APC: variants seen among roughly 807,000 people sequenced by gnomAD.
The protein encoded by APC is APC regulator of Wnt signaling pathway.
A neutral mutation model predicts 247.0 loss-of-function variants in APC; 72 were observed. The observed-to-expected ratio is 0.29, with a 90% CI of 0.24 to 0.35. The LOEUF (loss-of-function observed/expected upper bound fraction) is 0.35, where lower values mean the gene tolerates loss of function less well. Among genes scored for constraint, APC ranks in the 10% least tolerant of loss-of-function variants. The probability of loss-of-function intolerance (pLI) is 1.00; values close to 1 mark genes in which losing one functional copy is unlikely to be tolerated. For missense variants in APC, 3,400 were observed against 3,360.7 expected (o/e 1.01, Z -0.29); for synonymous variants, 1,254 against 1,162.5 (o/e 1.08, Z -1.60).
rs143842860 is a variant in APC, at chr5:112,784,096, C to G, written c.645+3193C>G. 5.1e-3 allele frequency among the ~76,000 whole-genome samples: 775 copies of G among 152,214 alleles called. 9 individuals are homozygous for G. Among genetic ancestry groups the G allele is most frequent in the Non-Finnish European group, 6.4e-3 (432 of 68,012 alleles). ...TTGTTTTTTCTTTTTGAGACACAGTCTTGCTCTGTCACACAGGCTGGAGTG... is the reference window on the plus strand; with the variant it reads ...TTGTTTTTTCTTTTTGAGACACAGTGTTGCTCTGTCACACAGGCTGGAGTG... On this transcript the variant is annotated intron_variant, in intron 6 of 15. Transcript: ENST00000257430.
In APC at chr5:112,839,332, T is replaced by C. The variant is rs772689871; in HGVS notation, c.3738T>C (p.Ala1246=). 1 of 1,613,240 alleles carries C rather than the reference T, an allele frequency of 6.2e-7. No individual in the cohort carries two copies. ...AQSRSGQPQK[A]ATCKVSSINQ... ...GTAGAAGTGGTCAGCCTCAAAAGGC[T>C]GCCACTTGCAAAGTTTCTTCTATTA... The change falls in exon 16 of 16, where the codon GCT becomes GCC. Residue 1246 remains alanine, a synonymous_variant. Coordinates refer to ENST00000257430, the MANE Select transcript of APC (RefSeq NM_000038.6). The surrounding 1 kb of genome is among the most constrained non-coding windows in gnomAD (Gnocchi z 5.0).
At position 112,841,112 on chromosome 5, in the gene APC, T is replaced by C. The variant is rs2149942237; in HGVS notation, c.5518T>C (p.Phe1840Leu). The stretch of plus-strand genomic sequence containing the variant: ...AGATAGAGTCAGAGGAAGTTTTGCT[T>C]TTGATTCACCTCATCATTACACGCC... Reference protein sequence around the residue: ...NEDRVRGSFAFDSPHHYTPIE... With the variant: ...NEDRVRGSFALDSPHHYTPIE... Residue 1840 changes from phenylalanine to leucine, a missense_variant, in exon 16 of 16, where the codon TTT (phenylalanine) becomes CTT (leucine). Phe to Leu is a conservative substitution (Grantham distance 22). Transcript: ENST00000257430. The surrounding 1 kb of genome is among the most constrained non-coding windows in gnomAD (Gnocchi z 4.6). 1 of 1,613,252 alleles carries C rather than the reference T, an allele frequency of 6.2e-7. No individual in the cohort carries two copies. Among genetic ancestry groups the C allele is most frequent in the Non-Finnish European group, 8.5e-7 (1 of 1,179,222 alleles).
rs1766839994 is a variant in APC at position 112,844,709 on chromosome 5, A to C, written c.*583A>C. On this transcript the variant is annotated 3_prime_UTR_variant, in exon 16 of 16. Transcript: ENST00000257430. ...TAATGATTAACAGTTATGTGGTCAC[A>C]TGATGTGCATAGAGATAGCTACAGT... 1 of 232,442 alleles carries C rather than the reference A, an allele frequency of 4.3e-6. No individual in the cohort carries two copies. 14.4% of individuals were successfully genotyped at this position (232,442 alleles called of 1,614,324 possible).
chr5:112,767,347 A>G lies in APC; in HGVS notation c.379A>G (p.Ser127Gly), dbSNP rs200089324. 26 of 1,614,056 alleles carry G rather than the reference A, an allele frequency of 1.6e-5. No homozygotes were observed. The highest frequency in any genetic ancestry group is 2.1e-5 in the Non-Finnish European group (25 of 1,180,024). The stretch of plus-strand genomic sequence containing the variant: ...TCCAAGAAGAGGGTTTGTAAATGGA[A>G]GCAGAGAAAGTACTGGATATTTAGA... ...SFPRRGFVNG[S>G]RESTGYLEEL... Residue 127 changes from serine (S) to glycine (G), a missense_variant, in exon 4 of 16, where the codon AGC becomes GGC. Physicochemically the swap from Ser to Gly is moderately conservative, Grantham distance 56 (BLOSUM62 0). Around this residue, in one of 9 missense-constraint regions of APC, gnomAD observed 372 missense variants for 367.6 expected, o/e 1.01. Transcript: ENST00000257430.
At chr5:112,783,882 G>A (rs1487679706) in intron 6 of APC, 1 of 295,928 alleles carries the variant, frequency 3.4e-6, no homozygotes. Context: ...TTAAGTTCAA[G>A]TGTCTAATAA....
intron 15 of APC, among the ~76,000 whole-genome samples, chr5:112,835,991 C>G (rs78421859): frequency 6.9e-6 from 1 of 144,842 alleles, no homozygotes; most frequent in African/African-American, 2.6e-5. Flanking sequence ...TGTATTATAT[C>G]AACAAAAATA....
At chr5:112,798,079 C>A (rs1418547892) in intron 7 of APC, among the ~76,000 whole-genome samples, 3 of 152,004 alleles carry the variant, frequency 2.0e-5, no homozygotes, top group African/African-American at 7.3e-5. Flanking sequence ...GGTATCTGGC[C>A]AAGAGAAATG....
chr5:112,717,790 T>G (rs1751254058), intron 1 of APC, among the ~76,000 whole-genome samples: 1 of 152,086 alleles, frequency 6.6e-6, no homozygotes, highest in African/African-American at 2.4e-5. Context: ...TTCTTAGCCA[T>G]TATTTTTTCA....
intron 1 of APC, among the ~76,000 whole-genome samples, chr5:112,723,851 T>C (rs1421811093): frequency 1.3e-5 from 2 of 152,190 alleles, no homozygotes; most frequent in African/African-American, 4.8e-5. Context: ...CTGCCCCCAC[T>C]GCTACTCTTT....
At chr5:112,794,371 C>T (rs1335666498) in intron 7 of APC, among the ~76,000 whole-genome samples, 2 of 152,174 alleles carry the variant, frequency 1.3e-5, no homozygotes, top group African/African-American at 4.8e-5. Context: ...TGAGCCACTG[C>T]GCCTGACCCC....
chr5:112,825,358 C>T (rs1461007214), intron 11 of APC, among the ~76,000 whole-genome samples: 6 of 152,152 alleles, frequency 3.9e-5, no homozygotes, highest in Non-Finnish European at 8.8e-5. Context: ...TTAGAGTGTG[C>T]ATCTAATTAT....
intron 5 of APC, among the ~76,000 whole-genome samples, chr5:112,776,166 A>G (rs570344482): frequency 2.6e-5 from 4 of 152,338 alleles, no homozygotes; most frequent in East Asian, 3.9e-4. Context: ...ATAAATGCCA[A>G]TAGCTATAGC....
At chr5:112,790,474 C>A (rs1174593942) in intron 6 of APC, among the ~76,000 whole-genome samples, 1 of 151,670 alleles carries the variant, frequency 6.6e-6, no homozygotes, top group Non-Finnish European at 1.5e-5. Flanking sequence ...TACAGGCACG[C>A]GTCACCCATG....
chr5:112,846,010 AT>A lies in APC; in HGVS notation c.*1892del, dbSNP rs1487496282. The A allele has an allele frequency of 4.3e-6, 1 of 231,818 alleles. No homozygotes were observed. The highest frequency in any genetic ancestry group is 6.1e-5 in the East Asian group (1 of 16,340). The allele number at this position is 231,818 out of a possible 1,614,324, so 14.4% of individuals were successfully genotyped here. The stretch of plus-strand genomic sequence containing the variant: ...TTATAACTTCCAGGTAATGAGAATG[AT>A]TTTTTTTAAAGCTAAAATGCCAGTA... On this transcript the variant is annotated 3_prime_UTR_variant, in exon 16 of 16. Transcript: ENST00000257430.
chr5:112,728,100 C>T (rs1044025712), intron 1 of APC, among the ~76,000 whole-genome samples: 2 of 151,554 alleles, frequency 1.3e-5, no homozygotes, highest in Non-Finnish European at 1.5e-5. Context: ...TTTTTAAGCT[C>T]ATCAGCTGTC....
intron 7 of APC, among the ~76,000 whole-genome samples, chr5:112,795,512 T>C (rs1580435139): frequency 1.3e-5 from 2 of 152,214 alleles, no homozygotes; most frequent in Admixed American, 1.3e-4. Flanking sequence ...AACTCTCTTA[T>C]CACATGGTGA....
At chr5:112,773,125 A>G (rs1318842171) in intron 4 of APC, among the ~76,000 whole-genome samples, 3 of 152,148 alleles carry the variant, frequency 2.0e-5, no homozygotes, top group Admixed American at 6.6e-5. Context: ...TTTCTTCCCA[A>G]TCAGTCCATC....
chr5:112,751,564 C>A (rs1429913187), intron 1 of APC, among the ~76,000 whole-genome samples: 1 of 151,900 alleles, frequency 6.6e-6, no homozygotes, highest in Non-Finnish European at 1.5e-5. Context: ...CAGATATTTG[C>A]ATTTTTTATT....
At chr5:112,786,990 C>T (rs866016126) in intron 6 of APC, among the ~76,000 whole-genome samples, 4 of 146,108 alleles carry the variant, frequency 2.7e-5, no homozygotes, top group South Asian at 4.5e-4. Context: ...AAGGTTCAAA[C>T]GATTCTTGTG....
Sources: gnomAD v4.1 joint callset for allele counts (sites outside exome capture counted in the v4.1 genomes callset) on GRCh38, gnomAD v4.1.1 for gene constraint, gnomAD v4.1.1 regional missense constraint, Gnocchi (gnomAD v3.1) non-coding constraint, MANE v1.5 for transcripts, NCBI Gene and HGNC (gene_info 2026-07-23, HGNC 2026-07-21) for gene names.